ADGRV1: variants seen among roughly 807,000 people sequenced by gnomAD.
ADGRV1 encodes the protein G-protein coupled receptor 98.
ADGRV1 carries 359 observed loss-of-function variants against 596.2 expected under a neutral mutation model. That is an observed-to-expected ratio of 0.60 (90% CI 0.55 to 0.66). ADGRV1 has a LOEUF of 0.66. ADGRV1 is among the 30% of genes least tolerant of loss of function. The pLI is 0.00. For synonymous variants in ADGRV1, 2,681 were observed against 2,679.2 expected, an observed-to-expected ratio of 1.00 and a Z score of -0.02; for missense variants, 7,274 against 7,575.6, an observed-to-expected ratio of 0.96 and a Z score of 1.48.
At chr5:90,748,813 G>GTTTTTTTTTTTTTTTTTT (rs10700327) in intron 52 of ADGRV1, among the ~76,000 whole-genome samples, 2 of 142,314 alleles carry the variant, frequency 1.4e-5, no homozygotes, top group African/African-American at 5.5e-5. Context: ...CTATCATCAA[G>GTTTTTTTTTTTTTTTTTT]TTTTTTTTTG....
At chr5:91,039,876 A>G (rs1451937273) in intron 85 of ADGRV1, among the ~76,000 whole-genome samples, 2 of 152,156 alleles carry the variant, frequency 1.3e-5, no homozygotes. Context: ...TATGTCTAGA[A>G]TATGGGAGTG....
At chr5:90,986,174 A>T (rs1287289543) in intron 85 of ADGRV1, among the ~76,000 whole-genome samples, 1 of 150,004 alleles carries the variant, frequency 6.7e-6, no homozygotes, top group Non-Finnish European at 1.5e-5. Flanking sequence ...AGGACCACTG[A>T]GCCCCTCTTA....
intron 87 of ADGRV1, among the ~76,000 whole-genome samples, chr5:91,139,296 T>G (rs1478398079): frequency 6.6e-6 from 1 of 152,144 alleles, no homozygotes; most frequent in East Asian, 1.9e-4. Context: ...AGTTTTTGAG[T>G]TTTTTTCCTG....
intron 79 of ADGRV1, among the ~76,000 whole-genome samples, chr5:90,849,745 G>A (rs1204066112): frequency 6.6e-6 from 1 of 151,976 alleles, no homozygotes; most frequent in Non-Finnish European, 1.5e-5. Context: ...AGTCAATCCA[G>A]ATAGAAAAAA....
At chr5:90,682,691 TA>T (rs150826528) in intron 27 of ADGRV1, among the ~76,000 whole-genome samples, 5,717 of 152,166 alleles carry the variant, frequency 0.038, 368 homozygotes, top group African/African-American at 0.13. Flanking sequence ...TCAGGAAAGA[TA>T]AAAAAAGCGT....
intron 85 of ADGRV1, among the ~76,000 whole-genome samples, chr5:91,000,617 G>A (rs1014130500): frequency 2.0e-4 from 30 of 150,334 alleles, no homozygotes; most frequent in African/African-American, 7.1e-4. Flanking sequence ...AGTAATTGTG[G>A]TTTTTGCCAT....
chr5:90,727,519 T>A (rs988470), intron 48 of ADGRV1, among the ~76,000 whole-genome samples: 93,934 of 151,458 alleles, frequency 0.62, 30,358 homozygotes, highest in East Asian at 0.8. Context: ...AGGCATTTTT[T>A]AAAAATATTA....
intron 83 of ADGRV1, among the ~76,000 whole-genome samples, chr5:90,891,904 T>C (rs1770862237): frequency 6.6e-6 from 1 of 152,052 alleles, no homozygotes; most frequent in African/African-American, 2.4e-5. Flanking sequence ...GGTTCTAACA[T>C]GGACAAATTA....
rs1780394008 is a variant in ADGRV1 at position 90,985,293 on chromosome 5, T to C, written c.17974-51T>C. ...TTGCCTAAGCCAGTAGAGTTTGTGT[T>C]CTGTGCCATTAAAGAAGAGCCTGTT... On this transcript the variant is annotated intron_variant, in intron 84 of 89. Transcript: ENST00000405460. 7.3e-6 allele frequency: 10 copies of C among 1,375,838 alleles called. No homozygotes were observed. In the South Asian group the frequency reaches 1.3e-4, roughly 18 times the overall value. The allele number at this position is 1,375,838 out of a possible 1,614,324, so 85.2% of individuals were successfully genotyped here. A position where few individuals can be genotyped will look rare whatever the true frequency, so the allele number is the denominator to read the frequency against.
chr5:91,030,102 CTT>C (rs1007420498), intron 85 of ADGRV1, among the ~76,000 whole-genome samples: 2 of 152,068 alleles, frequency 1.3e-5, no homozygotes, highest in Non-Finnish European at 2.9e-5. Flanking sequence ...TAAGCTCTCT[CTT>C]CTGTTCCATT....
At chr5:91,056,592 G>A (rs1016604383) in intron 85 of ADGRV1, among the ~76,000 whole-genome samples, 1 of 151,934 alleles carries the variant, frequency 6.6e-6, no homozygotes, top group Admixed American at 6.6e-5. Context: ...TGCTTCAAAT[G>A]CCCAATGACA....
chr5:91,100,578 A>G (rs959088899), intron 86 of ADGRV1, among the ~76,000 whole-genome samples: 3 of 152,238 alleles, frequency 2.0e-5, no homozygotes, highest in African/African-American at 7.2e-5. Context: ...GGAATATATT[A>G]GTCTACATTA....
At position 91,028,732 on chromosome 5, in the gene ADGRV1, G is replaced by GTTTTTT. The variant is rs397998676; in HGVS notation, c.18152+43228_18152+43233dup. On this transcript the variant is annotated intron_variant, in intron 85 of 89. Coordinates refer to ENST00000405460, the MANE Select transcript of ADGRV1 (RefSeq NM_032119.4). ...AGTCCAAGTGAAAACACTAGACTCT[G>GTTTTTT]TTTTTTTTTTTTTTTTTTTTTTTAG... 2.3e-3 allele frequency among the ~76,000 whole-genome samples: 217 copies of GTTTTTT among 95,898 alleles called. 9 individuals are homozygous for GTTTTTT. Among genetic ancestry groups the GTTTTTT allele is most frequent in the Middle Eastern group, 6.5e-3 (1 of 154 alleles). The allele number at this position is 95,898 out of a possible 152,430, so 62.9% of individuals were successfully genotyped here.
intron 86 of ADGRV1, among the ~76,000 whole-genome samples, chr5:91,078,136 A>G (rs564672560): frequency 3.3e-5 from 5 of 152,322 alleles, no homozygotes; most frequent in African/African-American, 1.2e-4. Context: ...GCATTATTTG[A>G]GGATGAATGC....
chr5:90,921,796 G>GTTT (rs571601390), intron 83 of ADGRV1, among the ~76,000 whole-genome samples: 13 of 124,400 alleles, frequency 1.0e-4, no homozygotes, highest in Non-Finnish European at 1.6e-4. Flanking sequence ...GTTGTGTCTT[G>GTTT]TTTTTTTTTT....
chr5:91,161,215 C>T (rs1249001548), intron 89 of ADGRV1, among the ~76,000 whole-genome samples: 1 of 152,210 alleles, frequency 6.6e-6, no homozygotes, highest in Non-Finnish European at 1.5e-5. Flanking sequence ...ATAGAATGGC[C>T]ACTGTCTCGC....
rs765572314 is a variant in ADGRV1 at position 90,706,366 on chromosome 5, C to T, written c.8702C>T (p.Ala2901Val). Reference protein sequence around the residue: ...GFLILEEGETAAAINITILED... With the variant: ...GFLILEEGETVAAINITILED... Reference sequence around the variant, plus strand: ...CTGATTTTAGAAGAAGGGGAAACAGCAGCAGCCATCAACATTACCATTCTT... The same window carrying T: ...CTGATTTTAGAAGAAGGGGAAACAGTAGCAGCCATCAACATTACCATTCTT... The change falls in exon 38 of 90, where the codon GCA (alanine) becomes GTA (valine). Residue 2901 changes from alanine (A) to valine (V), a missense_variant. This residue lies in a region of ADGRV1 where 3,643 missense variants were observed against 3,809.2 expected (regional missense o/e 0.96). Transcript: ENST00000405460. 1.9e-6 allele frequency: 3 copies of T among 1,610,216 alleles called. No individual in the cohort carries two copies. The highest frequency in any genetic ancestry group is 2.2e-5 in the South Asian group (2 of 90,018).
rs1265745047 is a variant in ADGRV1, at chr5:90,614,987, G to A, written c.175G>A (p.Gly59Arg). 7 of 1,506,900 alleles carry A rather than the reference G, an allele frequency of 4.6e-6. No individual in the cohort carries two copies. The South Asian group carries it at 9.5e-5, about 20-fold the overall frequency. 93.3% of individuals were successfully genotyped at this position (1,506,900 alleles called of 1,614,324 possible). Residue 59 changes from glycine to arginine, a missense_variant, in exon 2 of 90, where the codon GGA (glycine) becomes AGA (arginine). This residue lies in a region of ADGRV1 where 1,715 missense variants were observed against 1,708.8 expected (regional missense o/e 1.00). Coordinates refer to ENST00000405460, the MANE Select transcript of ADGRV1 (RefSeq NM_032119.4). ...TVIRLIIERI[G>R]EPANVTAIVS... ...TATTCGTCTTATCATTGAAAGGATA[G>A]GAGAGCCAGCAAATGTTACTGCAAT...
At chr5:90,722,828 T>A (rs1751262550) in intron 45 of ADGRV1, among the ~76,000 whole-genome samples, 1 of 145,722 alleles carries the variant, frequency 6.9e-6, no homozygotes, top group Non-Finnish European at 1.5e-5. Context: ...GAAATTGATG[T>A]AATAATCTGA....
Sources: gnomAD v4.1 joint callset for allele counts (sites outside exome capture counted in the v4.1 genomes callset) on GRCh38, gnomAD v4.1.1 for gene constraint, gnomAD v4.1.1 regional missense constraint, MANE v1.5 for transcripts, NCBI Gene and HGNC (gene_info 2026-07-23, HGNC 2026-07-21) for gene names.